The following MYB variants were observed in gnomAD, a reference collection of about 807,000 sequenced individuals.
MYB encodes the protein transcriptional activator Myb.
In MYB, 28 loss-of-function variants were observed where a neutral mutation model predicts 92.9. The ratio of observed to expected loss-of-function variants is 0.30; its 90% confidence interval spans 0.22 to 0.41. The LOEUF is 0.41. MYB is among the 10% of genes least tolerant of loss of function. The pLI is 1.00. For synonymous variants in MYB, 295 were observed against 329.1 expected (o/e 0.90, Z 1.12); for missense variants, 679 against 929.3 (o/e 0.73, Z 3.50).
At chr6:135,201,825 C>A in intron 14 of MYB, 76 bp downstream of exon 14, 1 of 789,410 alleles carries the variant, frequency 1.3e-6, no homozygotes, top group Non-Finnish European at 1.9e-6. Flanking sequence ...TGGCATAGGG[C>A]TGCTGCGGTT....
At chr6:135,201,844 C>T (rs1238446271) in intron 14 of MYB, 95 bp downstream of exon 14, 2 of 517,676 alleles carry the variant, frequency 3.9e-6, no homozygotes, top group African/African-American at 4.0e-5. Context: ...TTTCAGCACT[C>T]CCTCTTTAAC....
At chr6:135,193,735 GT>G in intron 6 of MYB, 102 bp from the exon 7 acceptor site, 11 of 707,352 alleles carry the variant, frequency 1.6e-5, no homozygotes, top group South Asian at 4.2e-5. Context: ...TCAGTAAAGT[GT>G]TTTTTTTCTC....
In MYB at chr6:135,218,558, T is replaced by C. The variant is rs543911268; in HGVS notation, c.*578T>C. 3 of 181,728 alleles carry C rather than the reference T, an allele frequency of 1.7e-5. No homozygotes were observed. The highest frequency in any genetic ancestry group is 1.8e-4 in the East Asian group (2 of 11,040). The allele number at this position is 181,728 out of a possible 1,614,324, so 11.3% of individuals were successfully genotyped here. Reference sequence around the variant, plus strand: ...TAGCTTGCTTTAAAAATTATTACTGTAAGAAATAGTTTTATAAAAAATTAT... The same window carrying C: ...TAGCTTGCTTTAAAAATTATTACTGCAAGAAATAGTTTTATAAAAAATTAT... On this transcript the variant is annotated 3_prime_UTR_variant, in exon 16 of 16. Transcript: ENST00000341911.
chr6:135,206,225 A>AATAATAAT (rs1554254479), intron 15 of MYB, among the ~76,000 whole-genome samples: 74 of 96,650 alleles, frequency 7.7e-4, no homozygotes, highest in African/African-American at 3.0e-3. Context: ...AAAAAAAAAA[A>AATAATAAT]AATAATAATA....
At chr6:135,195,384 T>C (rs553727751) in intron 8 of MYB, 101 of 265,948 alleles carry the variant, frequency 3.8e-4, no homozygotes, top group African/African-American at 2.1e-3. Flanking sequence ...AGAATGCAAA[T>C]AGGACAGTTC....
chr6:135,214,566 C>T (rs1780173173), intron 15 of MYB, among the ~76,000 whole-genome samples: 2 of 152,136 alleles, frequency 1.3e-5, no homozygotes, highest in African/African-American at 4.8e-5. Flanking sequence ...TGTTTTGTCA[C>T]TTGTTCTTTA....
At chr6:135,194,769 ATT>A (rs1777070072) in intron 8 of MYB, 13 of 622,530 alleles carry the variant, frequency 2.1e-5, no homozygotes, top group Non-Finnish European at 3.1e-5. Flanking sequence ...GAAAATCTGC[ATT>A]TTCTACAGAG....
intron 14 of MYB, among the ~76,000 whole-genome samples, chr6:135,202,162 T>C (rs1778195210): frequency 6.6e-6 from 1 of 152,222 alleles, no homozygotes; most frequent in East Asian, 1.9e-4. Context: ...CCCAGTATTG[T>C]ACCCAATTGC....
chr6:135,198,798 A>T, intron 10 of MYB, 110 bp from the exon 11 acceptor site: 1 of 821,864 alleles, frequency 1.2e-6, no homozygotes, highest in Non-Finnish European at 1.9e-6. Context: ...TTTATTATTT[A>T]ATATAGTGGG....
intron 10 of MYB, among the ~76,000 whole-genome samples, chr6:135,198,699 A>G (rs948312309): frequency 2.0e-5 from 3 of 152,218 alleles, no homozygotes; most frequent in Non-Finnish European, 4.4e-5. Flanking sequence ...ATGACCCTAA[A>G]TTTTATTTCT....
rs779324613 is a variant in MYB, at chr6:135,197,105, A to C, written c.1348A>C (p.Arg450=). The part of the protein sequence containing the change: ...GTKPAGEPSP[R]VNKRMLSESS... Reference sequence around the variant, plus strand: ...TAAACCTGCAGGAGAACCTAGCCCAAGGGTGAACAAACGTATGTTGAGTGA... The same window carrying C: ...TAAACCTGCAGGAGAACCTAGCCCACGGGTGAACAAACGTATGTTGAGTGA... Residue 450 remains arginine, a synonymous_variant, in exon 10 of 16, where the codon AGG becomes CGG. Coordinates refer to ENST00000341911, the MANE Select transcript of MYB (RefSeq NM_001130173.2). The C allele has an allele frequency of 4.3e-6, 7 of 1,614,044 alleles. No individual in the cohort carries two copies. The highest frequency in any genetic ancestry group is 5.9e-6 in the Non-Finnish European group (7 of 1,179,884).
chr6:135,214,538 A>G (rs1204140876), intron 15 of MYB, among the ~76,000 whole-genome samples: 3 of 152,146 alleles, frequency 2.0e-5, no homozygotes, highest in Admixed American at 6.5e-5. Flanking sequence ...TGATATTAAG[A>G]TATTTCATTC....
chr6:135,215,861 C>T (rs1780362484), intron 15 of MYB, among the ~76,000 whole-genome samples: 1 of 152,178 alleles, frequency 6.6e-6, no homozygotes, highest in Admixed American at 6.5e-5. Context: ...CAAACCTGCG[C>T]ACACGGCCTG....
intron 3 of MYB, among the ~76,000 whole-genome samples, chr6:135,188,767 C>T (rs1776273104): frequency 6.6e-6 from 1 of 152,148 alleles, no homozygotes; most frequent in South Asian, 2.1e-4. Context: ...ACCTCAGCCT[C>T]CCGAAGTGCT....
At chr6:135,216,952 A>C (rs1780534556) in intron 15 of MYB, among the ~76,000 whole-genome samples, 1 of 152,218 alleles carries the variant, frequency 6.6e-6, no homozygotes, top group Admixed American at 6.5e-5. Flanking sequence ...AGAGAGAATG[A>C]ACCTGCCTCC....
rs183747919 is a variant in MYB, at chr6:135,181,703, T to G, written c.23+167T>G. On this transcript the variant is annotated intron_variant, in intron 1 of 15. Coordinates refer to ENST00000341911, the MANE Select transcript of MYB (RefSeq NM_001130173.2). The surrounding 1 kb of genome is among the most constrained non-coding windows in gnomAD (Gnocchi z 5.3). ...CGGCAGCAGAAGCCGCTCCAGAGAC[T>G]GATGAATGGAAGAGTCTTTGCGGGA... is the stretch of plus-strand genomic sequence containing the variant. Among the ~76,000 whole-genome samples the G allele has an allele frequency of 0.016, 2,387 of 152,290 alleles. 40 individuals carry two copies. The highest frequency in any genetic ancestry group is 0.055 in the African/African-American group (2,282 of 41,566).
intron 1 of MYB, among the ~76,000 whole-genome samples, chr6:135,183,473 GC>G (rs1775456707): frequency 6.6e-6 from 1 of 152,204 alleles, no homozygotes; most frequent in South Asian, 2.1e-4. Context: ...ACCGGGTCTA[GC>G]AGGTGGGGAG....
chr6:135,183,443 A>G (rs1174319074), intron 1 of MYB, among the ~76,000 whole-genome samples: 2 of 152,168 alleles, frequency 1.3e-5, no homozygotes, highest in Admixed American at 1.3e-4. Context: ...TAACATTCAT[A>G]GTTGTACTCT....
intron 8 of MYB, chr6:135,195,462 A>G (rs1160039316): frequency 2.4e-6 from 1 of 410,248 alleles, no homozygotes; most frequent in East Asian, 3.9e-5. Flanking sequence ...GAATTTTAAG[A>G]CAATATGATA....
Sources: allele counts gnomAD v4.1 joint callset (sites outside exome capture counted in the v4.1 genomes callset), GRCh38; gene constraint gnomAD v4.1.1; non-coding constraint Gnocchi (gnomAD v3.1); transcripts MANE v1.5; gene names NCBI Gene and HGNC (gene_info 2026-07-23, HGNC 2026-07-21).